AP3B1: variants seen among roughly 807,000 people sequenced by gnomAD.
AP3B1 encodes AP-3 complex subunit beta-1.
AP3B1 carries 61 observed loss-of-function variants against 132.5 expected under a neutral mutation model. The ratio of observed to expected loss-of-function variants is 0.46; its 90% confidence interval spans 0.37 to 0.57. AP3B1 has a LOEUF of 0.57. Ranked by LOEUF, AP3B1 falls within the 20% of genes least tolerant of loss-of-function variation. The pLI is 0.00. For synonymous variants in AP3B1, 388 were observed against 438.3 expected (o/e 0.89, Z 1.43); for missense variants, 1,120 against 1,289.4 (o/e 0.87, Z 2.01).
chr5:78,092,130 C>T (rs1389930194), intron 21 of AP3B1, among the ~76,000 whole-genome samples: 1 of 152,170 alleles, frequency 6.6e-6, no homozygotes, highest in East Asian at 1.9e-4. Flanking sequence ...CATCTATCTA[C>T]CCACCCGTCC....
chr5:78,057,834 A>C (rs1748881710), intron 22 of AP3B1, among the ~76,000 whole-genome samples: 5 of 152,148 alleles, frequency 3.3e-5, no homozygotes, highest in Admixed American at 3.3e-4. Flanking sequence ...TATGATCTTA[A>C]CCATATTCCA....
chr5:78,169,946 C>T (rs535366961), intron 11 of AP3B1, among the ~76,000 whole-genome samples: 17 of 152,196 alleles, frequency 1.1e-4, no homozygotes, highest in African/African-American at 2.4e-4. Flanking sequence ...GTGATGTTCC[C>T]GGCCCTGTGT....
chr5:78,075,371 T>G (rs1561389385), intron 22 of AP3B1, among the ~76,000 whole-genome samples: 1 of 152,212 alleles, frequency 6.6e-6, no homozygotes, highest in Non-Finnish European at 1.5e-5. Context: ...AATTATGGTT[T>G]GTTTTTTTCT....
chr5:78,251,373 G>C (rs10454894), intron 2 of AP3B1, among the ~76,000 whole-genome samples: 43,198 of 151,994 alleles, frequency 0.28, 6,682 homozygotes, highest in Middle Eastern at 0.41. Context: ...AAAATCAGGG[G>C]AGCACTCACA....
At chr5:78,074,646 A>T (rs549931805) in intron 22 of AP3B1, among the ~76,000 whole-genome samples, 144 of 152,154 alleles carry the variant, frequency 9.5e-4, no homozygotes, top group African/African-American at 2.7e-3. Context: ...GAAAAAAAAA[A>T]TTTTTTTAAA....
At chr5:78,168,022 A>AC (rs1743725751) in intron 11 of AP3B1, among the ~76,000 whole-genome samples, 1 of 150,448 alleles carries the variant, frequency 6.6e-6, no homozygotes, top group Admixed American at 6.6e-5. Flanking sequence ...TGAAAAAAAA[A>AC]AAAAAACAAA....
intron 11 of AP3B1, among the ~76,000 whole-genome samples, chr5:78,168,032 A>T (rs1302081858): frequency 6.6e-6 from 1 of 151,608 alleles, no homozygotes; most frequent in Admixed American, 6.6e-5. Flanking sequence ...AAAAAAACAA[A>T]AAAAATAAAA....
intron 5 of AP3B1, among the ~76,000 whole-genome samples, chr5:78,225,822 A>G (rs1746377341): frequency 6.6e-6 from 1 of 151,970 alleles, no homozygotes; most frequent in Non-Finnish European, 1.5e-5. Context: ...ACTAAACCAG[A>G]TATCAATGGT....
chr5:78,126,074 A>AT (rs1409047182), intron 17 of AP3B1, among the ~76,000 whole-genome samples: 1 of 150,674 alleles, frequency 6.6e-6, no homozygotes, highest in Non-Finnish European at 1.5e-5. Context: ...CTAAAACATC[A>AT]TGTACCCCAT....
In AP3B1 at chr5:78,268,436, A is replaced by G. The variant is rs1361429649; in HGVS notation, c.129-841T>C. Among the ~76,000 whole-genome samples, 7 of 152,214 alleles carry G rather than the reference A, an allele frequency of 4.6e-5. No individual in the cohort carries two copies. The East Asian group carries it at 1.3e-3, about 29-fold the overall frequency. ...AAAGAATTCGATAGGAACTAAATAG[A>G]AAGGAAATGTGGTCACACATACACA... On this transcript the variant is annotated intron_variant, in intron 1 of 26. Coordinates refer to ENST00000255194, the MANE Select transcript of AP3B1 (RefSeq NM_003664.5).
intron 14 of AP3B1, among the ~76,000 whole-genome samples, chr5:78,147,388 G>T (rs1753451424): frequency 6.6e-6 from 1 of 151,634 alleles, no homozygotes; most frequent in East Asian, 1.9e-4. Context: ...ACTATAAATG[G>T]CCTGTAGCTA....
rs1032732984 is a variant in AP3B1, at chr5:78,110,364, A to C, written c.2250-10T>G. The C allele has an allele frequency of 6.3e-7, 1 of 1,596,212 alleles. No individual in the cohort carries two copies. The highest frequency in any genetic ancestry group is 8.6e-7 in the Non-Finnish European group (1 of 1,167,858). On this transcript the variant is annotated splice_polypyrimidine_tract_variant and intron_variant, in intron 19 of 26. Coordinates refer to ENST00000255194, the MANE Select transcript of AP3B1 (RefSeq NM_003664.5). ...CCCATCTTCAGAATCACTACACATAATAGTAAATTTTGAAATATGAACTTT... is the reference window on the plus strand; with the variant it reads ...CCCATCTTCAGAATCACTACACATACTAGTAAATTTTGAAATATGAACTTT...
chr5:78,126,208 A>C (rs1341669033), intron 17 of AP3B1, among the ~76,000 whole-genome samples: 2 of 152,084 alleles, frequency 1.3e-5, no homozygotes, highest in African/African-American at 4.8e-5. Context: ...TATCTGATCA[A>C]AAGTTGCACA....
chr5:78,047,563 T>G (rs537569741), intron 22 of AP3B1, among the ~76,000 whole-genome samples: 1 of 152,378 alleles, frequency 6.6e-6, no homozygotes, highest in East Asian at 1.9e-4. Flanking sequence ...TTTTTTTTCT[T>G]GCAAATTTGC....
chr5:78,279,909 T>TATATATATATGACTTAAATAG (rs1387959532), intron 1 of AP3B1, among the ~76,000 whole-genome samples: 1 of 141,384 alleles, frequency 7.1e-6, no homozygotes. Flanking sequence ...ATGACTTAAA[T>TATATATATATGACTTAAATAG]ATATATATAT....
chr5:78,122,576 T>C (rs1003961391), intron 17 of AP3B1, among the ~76,000 whole-genome samples: 2 of 152,194 alleles, frequency 1.3e-5, no homozygotes, highest in African/African-American at 4.8e-5. Flanking sequence ...AGCCAAATCA[T>C]GAGTGAACTC....
At chr5:78,162,245 T>C (rs1743416969) in intron 13 of AP3B1, among the ~76,000 whole-genome samples, 1 of 152,160 alleles carries the variant, frequency 6.6e-6, no homozygotes, top group African/African-American at 2.4e-5. Context: ...CTAGCTTACA[T>C]ATTTTACTGG....
At chr5:78,283,312 C>T (rs1749136472) in intron 1 of AP3B1, among the ~76,000 whole-genome samples, 1 of 152,188 alleles carries the variant, frequency 6.6e-6, no homozygotes, top group African/African-American at 2.4e-5. Flanking sequence ...ACTGTCTCAA[C>T]AAACCACACA....
chr5:78,174,143 C>T lies in AP3B1; in HGVS notation c.1167+1483G>A, dbSNP rs576420803. The stretch of plus-strand genomic sequence containing the variant: ...TGGGTTTGAACATGCTCCTTTCGCT[C>T]GGAGAAGTTTGTTACTACCGACCTT... On this transcript the variant is annotated intron_variant, in intron 11 of 26. Coordinates refer to ENST00000255194, the MANE Select transcript of AP3B1 (RefSeq NM_003664.5). 7.2e-5 allele frequency among the ~76,000 whole-genome samples: 11 copies of T among 152,202 alleles called. No homozygotes were observed. In the South Asian group the frequency reaches 1.9e-3, roughly 26 times the overall value.
Sources: gnomAD v4.1 joint callset for allele counts (sites outside exome capture counted in the v4.1 genomes callset) on GRCh38, gnomAD v4.1.1 for gene constraint, MANE v1.5 for transcripts, NCBI Gene and HGNC (gene_info 2026-07-23, HGNC 2026-07-21) for gene names.